The following LEKR1 variants were observed in gnomAD, a reference collection of about 807,000 sequenced individuals.
LEKR1 encodes leucine, glutamate and lysine rich 1.
In LEKR1, 59 loss-of-function variants were observed where a neutral mutation model predicts 72.4. The observed-to-expected ratio is 0.82, with a 90% CI of 0.66 to 1.01. LEKR1 has a LOEUF of 1.01. LEKR1 is among the 50% of genes least tolerant of loss of function. The pLI, the probability that LEKR1 is intolerant of heterozygous loss-of-function variation, is 0.00. For synonymous variants in LEKR1, 257 were observed against 263.2 expected (o/e 0.98, Z 0.23); for missense variants, 728 against 759.2 (o/e 0.96, Z 0.48).
At chr3:156,895,236 C>T (rs1199777383) in intron 3 of LEKR1, among the ~76,000 whole-genome samples, 4 of 152,278 alleles carry the variant, frequency 2.6e-5, no homozygotes, top group South Asian at 4.1e-4. Context: ...CATGAACAGA[C>T]GTTTCTCAAA....
intron 6 of LEKR1, among the ~76,000 whole-genome samples, chr3:156,976,561 G>T (rs779015824): frequency 7.9e-5 from 12 of 151,936 alleles, no homozygotes; most frequent in Non-Finnish European, 1.5e-4. Context: ...ACCACCTTTT[G>T]GAGTTAGAAA....
intron 2 of LEKR1, among the ~76,000 whole-genome samples, chr3:156,830,914 T>G (rs920457965): frequency 6.6e-6 from 1 of 152,216 alleles, no homozygotes; most frequent in Non-Finnish European, 1.5e-5. Flanking sequence ...CCAGATGTCA[T>G]TAAGAAAATC....
At chr3:156,836,580 A>AT (rs748085451) in intron 2 of LEKR1, among the ~76,000 whole-genome samples, 2 of 152,204 alleles carry the variant, frequency 1.3e-5, no homozygotes, top group Non-Finnish European at 2.9e-5. Flanking sequence ...GCCAGGACAA[A>AT]CAGCCTCTGG....
chr3:156,839,993 C>T (rs765934690), intron 2 of LEKR1, among the ~76,000 whole-genome samples: 10 of 152,188 alleles, frequency 6.6e-5, no homozygotes, highest in Non-Finnish European at 1.3e-4. Context: ...GCAACACCAA[C>T]CCCTCCTCTT....
At chr3:156,991,325 T>C (rs890155192) in intron 7 of LEKR1, among the ~76,000 whole-genome samples, 5 of 152,012 alleles carry the variant, frequency 3.3e-5, no homozygotes, top group Non-Finnish European at 7.4e-5. Context: ...TATTATATAA[T>C]TGTTTTATGC....
At chr3:156,858,721 A>T (rs1716395624) in intron 3 of LEKR1, among the ~76,000 whole-genome samples, 1 of 151,100 alleles carries the variant, frequency 6.6e-6, no homozygotes, top group South Asian at 2.1e-4. Context: ...TTTAATGTTT[A>T]GTTTTCTTTC....
intron 3 of LEKR1, among the ~76,000 whole-genome samples, chr3:156,911,036 TGTGAGATG>T (rs539986064): frequency 9.5e-4 from 144 of 152,276 alleles, no homozygotes; most frequent in African/African-American, 3.4e-3. Flanking sequence ...TTCTGACTGC[TGTGAGATG>T]GTATCTTATT....
At chr3:156,934,368 G>A (rs775752147) in intron 5 of LEKR1, among the ~76,000 whole-genome samples, 1 of 152,080 alleles carries the variant, frequency 6.6e-6, no homozygotes, top group Non-Finnish European at 1.5e-5. Context: ...TCAGATTCCT[G>A]ATAATATTTA....
intron 3 of LEKR1, among the ~76,000 whole-genome samples, chr3:156,900,675 A>C (rs1320424316): frequency 6.6e-6 from 1 of 152,188 alleles, no homozygotes; most frequent in Non-Finnish European, 1.5e-5. Flanking sequence ...ACTGGCCAAA[A>C]GTGAAGTAAG....
At chr3:156,891,765 A>C (rs536302421) in intron 3 of LEKR1, among the ~76,000 whole-genome samples, 18 of 152,130 alleles carry the variant, frequency 1.2e-4, no homozygotes, top group Non-Finnish European at 2.6e-4. Flanking sequence ...CCCCCACAAC[A>C]TACCTCTCAA....
chr3:156,847,308 T>G (rs1355803813), intron 2 of LEKR1, among the ~76,000 whole-genome samples: 1 of 152,260 alleles, frequency 6.6e-6, no homozygotes, highest in African/African-American at 2.4e-5. Flanking sequence ...GTTTGTTTCA[T>G]AGTTTATTTT....
intron 3 of LEKR1, among the ~76,000 whole-genome samples, chr3:156,881,648 T>A (rs1719364850): frequency 6.6e-6 from 1 of 150,428 alleles, no homozygotes; most frequent in Non-Finnish European, 1.5e-5. Flanking sequence ...TGGAAAAAAC[T>A]ACTTTAAAGT....
intron 2 of LEKR1, among the ~76,000 whole-genome samples, chr3:156,839,724 A>G (rs1485255641): frequency 6.6e-6 from 1 of 152,208 alleles, no homozygotes; most frequent in Non-Finnish European, 1.5e-5. Flanking sequence ...AATTGATGCT[A>G]GATAATATGG....
At chr3:156,927,056 T>A (rs1162321673) in intron 4 of LEKR1, among the ~76,000 whole-genome samples, 1 of 151,988 alleles carries the variant, frequency 6.6e-6, no homozygotes, top group Non-Finnish European at 1.5e-5. Flanking sequence ...GGACAAATGC[T>A]GTATAAGACT....
At chr3:156,974,790 A>T (rs1023914551) in intron 6 of LEKR1, among the ~76,000 whole-genome samples, 1 of 152,222 alleles carries the variant, frequency 6.6e-6, no homozygotes. Context: ...CATCATCCAT[A>T]GTTAACAAGT....
intron 12 of LEKR1, among the ~76,000 whole-genome samples, chr3:157,036,504 C>T (rs557774206): frequency 6.6e-6 from 1 of 152,264 alleles, no homozygotes; most frequent in South Asian, 2.1e-4. Flanking sequence ...GCATCAAACG[C>T]AGATATTTTC....
chr3:157,037,909 A>C (rs958440160), intron 12 of LEKR1, among the ~76,000 whole-genome samples: 1 of 152,190 alleles, frequency 6.6e-6, no homozygotes, highest in Non-Finnish European at 1.5e-5. Flanking sequence ...TGGGAACCTT[A>C]AAGAAGCCAC....
At chr3:156,868,351 A>T (rs541654413) in intron 3 of LEKR1, among the ~76,000 whole-genome samples, 1 of 151,916 alleles carries the variant, frequency 6.6e-6, no homozygotes, top group African/African-American at 2.4e-5. Context: ...ACGGATGTGA[A>T]TTTTTCTGTA....
intron 6 of LEKR1, among the ~76,000 whole-genome samples, chr3:156,947,823 G>A (rs1170532668): frequency 1.3e-5 from 2 of 151,224 alleles, no homozygotes; most frequent in East Asian, 3.9e-4. Context: ...CAGGTGCTAA[G>A]CCCTTTCTGT....
Sources: gnomAD v4.1 joint callset for allele counts (sites outside exome capture counted in the v4.1 genomes callset) on GRCh38, gnomAD v4.1.1 for gene constraint, MANE v1.5 for transcripts, NCBI Gene and HGNC (gene_info 2026-07-23, HGNC 2026-07-21) for gene names.